The following NFX1 variants were observed in gnomAD, a reference collection of about 807,000 sequenced individuals.
NFX1 encodes nuclear transcription factor, X-box binding 1, also known as transcriptional repressor NF-X1.
Under a neutral mutation model 137.2 loss-of-function variants are expected in NFX1, and 69 were observed. That is an observed-to-expected ratio of 0.50 (90% confidence interval 0.41 to 0.61). The LOEUF is 0.61. Ranked by LOEUF, NFX1 falls within the 20% of genes least tolerant of loss-of-function variation. NFX1 has a pLI of 0.00. For synonymous variants in NFX1, 495 were observed against 474.1 expected (o/e 1.04, Z -0.57); for missense variants, 1,167 against 1,391.0 (o/e 0.84, Z 2.56).
intron 9 of NFX1, 66 bp downstream of exon 9, chr9:33,319,193 T>G (rs1187902817): frequency 1.5e-6 from 2 of 1,367,436 alleles, no homozygotes; most frequent in African/African-American, 2.9e-5. Context: ...AGTGAGTGTT[T>G]AAGCAATGTA....
At chr9:33,310,259 G>T (rs1404122349) in intron 5 of NFX1, among the ~76,000 whole-genome samples, 2 of 152,134 alleles carry the variant, frequency 1.3e-5, no homozygotes, top group African/African-American at 2.4e-5. Flanking sequence ...TCTTGGCTCT[G>T]ATTGGCTTTT....
At chr9:33,366,841 C>A in intron 22 of NFX1, 67 bp downstream of exon 22, 1 of 1,538,682 alleles carries the variant, frequency 6.5e-7, no homozygotes, top group South Asian at 1.2e-5. Context: ...GAAGCAGGGT[C>A]TGTCAATACT....
intron 11 of NFX1, among the ~76,000 whole-genome samples, chr9:33,336,457 G>A (rs943294466): frequency 4.6e-5 from 7 of 151,914 alleles, no homozygotes; most frequent in Admixed American, 2.0e-4. Flanking sequence ...CTCGTGATCC[G>A]CCTGCCTCAG....
At chr9:33,352,615 T>C (rs892026379) in intron 16 of NFX1, 31 bp from the exon 17 acceptor site, 2 of 1,593,788 alleles carry the variant, frequency 1.3e-6, no homozygotes, top group Non-Finnish European at 1.7e-6. Context: ...TCCAGTGTGC[T>C]AAAAGTCGTT....
chr9:33,355,031 G>A (rs916782197), intron 19 of NFX1, 139 bp downstream of exon 19: 15 of 759,846 alleles, frequency 2.0e-5, no homozygotes, highest in African/African-American at 1.1e-4. Context: ...GAGAAATGCC[G>A]TTACCAAGAA....
intron 4 of NFX1, 61 bp downstream of exon 4, chr9:33,303,329 A>T: frequency 7.0e-7 from 1 of 1,425,194 alleles, no homozygotes; most frequent in Non-Finnish European, 9.9e-7. Context: ...TCAGTTCAGG[A>T]AAGGTGGTCT....
At chr9:33,293,775 C>T (rs1159314303) in intron 1 of NFX1, among the ~76,000 whole-genome samples, 3 of 152,064 alleles carry the variant, frequency 2.0e-5, no homozygotes, top group African/African-American at 7.3e-5. Flanking sequence ...GATTGTAGAC[C>T]AGATTATAGA....
At chr9:33,325,500 A>G (rs931658265) in intron 9 of NFX1, among the ~76,000 whole-genome samples, 2 of 151,958 alleles carry the variant, frequency 1.3e-5, no homozygotes, top group Non-Finnish European at 2.9e-5. Flanking sequence ...TGTCTCTACT[A>G]AAAAATACAA....
intron 9 of NFX1, among the ~76,000 whole-genome samples, chr9:33,319,453 C>T (rs1822301088): frequency 6.6e-6 from 1 of 152,280 alleles, no homozygotes. Context: ...ATCCAGGGTT[C>T]AGCAAGTGTT....
Position 33,303,829 on chromosome 9 carries a change from T to A in NFX1, c.1270+561T>A, listed in dbSNP as rs1473359670. Reference sequence around the variant, plus strand: ...TTCTTGCTGCTAGCCCATTTCTGCATGTTTTTTTTCCTTTCCTGCCTTTTA... The same window carrying A: ...TTCTTGCTGCTAGCCCATTTCTGCAAGTTTTTTTTCCTTTCCTGCCTTTTA... On this transcript the variant is annotated intron_variant, in intron 4 of 23. Transcript: ENST00000379540. Among the ~76,000 whole-genome samples, 3 of 152,230 alleles carry A rather than the reference T, an allele frequency of 2.0e-5. No individual in the cohort carries two copies. The East Asian group carries it at 5.8e-4, about 29-fold the overall frequency.
At chr9:33,303,802 C>T (rs1260974220) in intron 4 of NFX1, among the ~76,000 whole-genome samples, 4 of 152,178 alleles carry the variant, frequency 2.6e-5, no homozygotes, top group Non-Finnish European at 5.9e-5. Context: ...CCCAGATGCT[C>T]ATTCTTGCTG....
chr9:33,342,728 A>G lies in NFX1; in HGVS notation c.2116-18A>G. 3 of 1,553,854 alleles carry G rather than the reference A, an allele frequency of 1.9e-6. No homozygotes were observed. Among genetic ancestry groups the G allele is most frequent in the Non-Finnish European group, 2.6e-6 (3 of 1,141,600 alleles). ...AATGAAGACCATTTTATGAACAAATATAAATCTCTTTTCCCAGGATAAGGA... is the reference window on the plus strand; with the variant it reads ...AATGAAGACCATTTTATGAACAAATGTAAATCTCTTTTCCCAGGATAAGGA... On this transcript the variant is annotated intron_variant, in intron 12 of 23. Transcript: ENST00000379540.
intron 12 of NFX1, among the ~76,000 whole-genome samples, chr9:33,339,647 A>C (rs1405955344): frequency 3.3e-5 from 5 of 152,226 alleles, no homozygotes; most frequent in African/African-American, 1.2e-4. Flanking sequence ...TACAGTCCAA[A>C]GTCTCATCCA....
chr9:33,307,103 G>A, intron 4 of NFX1, 91 bp from the exon 5 acceptor site: 1 of 872,234 alleles, frequency 1.1e-6, no homozygotes, highest in Non-Finnish European at 1.8e-6. Flanking sequence ...CACTAAAGTT[G>A]CATGCTGCCT....
chr9:33,342,715 T>A (rs1823272785), intron 12 of NFX1, 31 bp from the exon 13 acceptor site: 5 of 1,472,794 alleles, frequency 3.4e-6, no homozygotes, highest in Non-Finnish European at 3.7e-6. Context: ...TGAAGACCAT[T>A]TTATGAACAA....
intron 13 of NFX1, among the ~76,000 whole-genome samples, chr9:33,343,177 C>T (rs79441880): frequency 0.012 from 1,814 of 152,146 alleles, 39 homozygotes; most frequent in African/African-American, 0.038. Context: ...CAGCAGTTTG[C>T]AAACTTTTTG....
chr9:33,364,666 G>A (rs1261611996), intron 20 of NFX1, 42 bp from the exon 21 acceptor site: 4 of 1,594,600 alleles, frequency 2.5e-6, no homozygotes, highest in Non-Finnish European at 3.4e-6. Flanking sequence ...GTTCTCAGAA[G>A]GGCAGGGACA....
chr9:33,306,339 CTG>C (rs889273894), intron 4 of NFX1, among the ~76,000 whole-genome samples: 14 of 152,194 alleles, frequency 9.2e-5, no homozygotes, highest in African/African-American at 2.9e-4. Context: ...TGAACTTTGA[CTG>C]TGGATAAAGC....
At chr9:33,300,073 T>C (rs1821497548) in intron 2 of NFX1, among the ~76,000 whole-genome samples, 1 of 141,462 alleles carries the variant, frequency 7.1e-6, no homozygotes, top group South Asian at 2.4e-4. Context: ...GCATTTTTTT[T>C]TTTTTTTTTT....
Sources: gnomAD v4.1 joint callset for allele counts (sites outside exome capture counted in the v4.1 genomes callset) on GRCh38, gnomAD v4.1.1 for gene constraint, MANE v1.5 for transcripts, NCBI Gene and HGNC (gene_info 2026-07-23, HGNC 2026-07-21) for gene names.